The following SLC9B1 variants were observed in gnomAD, a reference collection of about 807,000 sequenced individuals.
SLC9B1 encodes the protein solute carrier family 9 member B1.
A neutral mutation model predicts 51.7 loss-of-function variants in SLC9B1; 32 were observed. The ratio of observed to expected loss-of-function variants is 0.62; its 90% CI spans 0.47 to 0.83. The LOEUF is 0.83. Ranked by LOEUF, SLC9B1 falls within the 40% of genes least tolerant of loss-of-function variation. The probability of loss-of-function intolerance (pLI) is 0.00; values close to 1 mark genes in which losing one functional copy is unlikely to be tolerated. For missense variants in SLC9B1, 406 were observed against 613.2 expected, an observed-to-expected ratio of 0.66 and a Z score of 3.57; for synonymous variants, 145 against 212.7, an observed-to-expected ratio of 0.68 and a Z score of 2.77.
At chr4:102,924,383 T>A (rs1314003704) in intron 7 of SLC9B1, among the ~76,000 whole-genome samples, 1 of 152,200 alleles carries the variant, frequency 6.6e-6, no homozygotes, top group Non-Finnish European at 1.5e-5. Flanking sequence ...GATCCCTTCC[T>A]TACACTTTAT....
intron 1 of SLC9B1, among the ~76,000 whole-genome samples, chr4:103,003,691 C>T (rs1740644293): frequency 6.6e-6 from 1 of 152,044 alleles, no homozygotes; most frequent in East Asian, 1.9e-4. Flanking sequence ...GGGTAATTCC[C>T]CATTGGAGTA....
chr4:102,921,156 A>G (rs1212070671), intron 7 of SLC9B1, among the ~76,000 whole-genome samples: 1 of 152,250 alleles, frequency 6.6e-6, no homozygotes, highest in Non-Finnish European at 1.5e-5. Flanking sequence ...AAGGGCACCC[A>G]GAGAGAAAGG....
intron 1 of SLC9B1, among the ~76,000 whole-genome samples, chr4:102,996,239 C>G (rs1023690594): frequency 2.6e-5 from 4 of 151,972 alleles, no homozygotes; most frequent in African/African-American, 9.7e-5. Flanking sequence ...TGTACTGGAT[C>G]CCATTTTCAT....
chr4:102,940,639 C>T (rs531938240), intron 6 of SLC9B1, among the ~76,000 whole-genome samples: 9 of 152,256 alleles, frequency 5.9e-5, no homozygotes, highest in Non-Finnish European at 1.2e-4. Context: ...CTACAGTAAG[C>T]AAAACAGCAT....
chr4:102,966,151 G>C (rs1189167551), intron 3 of SLC9B1, among the ~76,000 whole-genome samples: 1 of 152,146 alleles, frequency 6.6e-6, no homozygotes, highest in Non-Finnish European at 1.5e-5. Context: ...TCCCAGTGGT[G>C]GTCCACTTCA....
Position 103,013,514 on chromosome 4 carries a change from T to G in SLC9B1, c.-2+6085A>C, listed in dbSNP as rs1741181234. On this transcript the variant is annotated intron_variant, in intron 1 of 11. Transcript: ENST00000296422. ...CTCACTCTATATACATTTCTCAACA[T>G]CTATTCTACTATTATGGCTACAATT... Among the ~76,000 whole-genome samples, 3 of 152,210 alleles carry G rather than the reference T, an allele frequency of 2.0e-5. No individual in the cohort carries two copies. In the South Asian group the frequency reaches 6.2e-4, roughly 32 times the overall value.
chr4:102,935,510 A>G (rs1381549690), intron 6 of SLC9B1, among the ~76,000 whole-genome samples: 1 of 152,232 alleles, frequency 6.6e-6, no homozygotes, highest in Non-Finnish European at 1.5e-5. Context: ...AAAATGAGAC[A>G]AATAAAATGC....
At chr4:102,946,981 G>T (rs1207001281) in intron 4 of SLC9B1, among the ~76,000 whole-genome samples, 192 bp from the exon 5 acceptor site, 1 of 152,174 alleles carries the variant, frequency 6.6e-6, no homozygotes, top group Non-Finnish European at 1.5e-5. Context: ...GGTTCAACAA[G>T]TAAGTTAGTG....
At chr4:102,955,847 AAGAAAG>A (rs1169914975) in intron 3 of SLC9B1, among the ~76,000 whole-genome samples, 9 of 74,808 alleles carry the variant, frequency 1.2e-4, no homozygotes, top group African/African-American at 6.7e-4. Context: ...GAGAGAGAGA[AAGAAAG>A]AAAGAAAGAA....
At chr4:102,911,623 T>C (rs1578339295) in intron 7 of SLC9B1, 86 bp from the exon 8 acceptor site, 1 of 788,586 alleles carries the variant, frequency 1.3e-6, no homozygotes, top group Non-Finnish European at 2.0e-6. Context: ...AGGTGGTTCA[T>C]GAAGAAAAGT....
intron 9 of SLC9B1, among the ~76,000 whole-genome samples, chr4:102,908,007 T>C (rs28683067): frequency 6.6e-6 from 1 of 150,986 alleles, no homozygotes. Context: ...AAACAAAATG[T>C]CACTATGATT....
intron 3 of SLC9B1, among the ~76,000 whole-genome samples, chr4:102,980,647 T>A (rs941045861): frequency 6.6e-6 from 1 of 152,096 alleles, no homozygotes; most frequent in Non-Finnish European, 1.5e-5. Context: ...AATACCTAGG[T>A]GATGGATTGA....
At chr4:102,971,779 A>C in intron 3 of SLC9B1, among the ~76,000 whole-genome samples, 1 of 152,216 alleles carries the variant, frequency 6.6e-6, no homozygotes, top group East Asian at 1.9e-4. Flanking sequence ...AGAATCAAAT[A>C]GATGCAATAA....
At chr4:103,000,489 G>C (rs561830235) in intron 1 of SLC9B1, among the ~76,000 whole-genome samples, 7 of 152,310 alleles carry the variant, frequency 4.6e-5, no homozygotes, top group African/African-American at 1.7e-4. Context: ...GTAAAATCAA[G>C]AGCAAGTTAG....
At chr4:103,011,953 A>C (rs1741106902) in intron 1 of SLC9B1, among the ~76,000 whole-genome samples, 1 of 152,178 alleles carries the variant, frequency 6.6e-6, no homozygotes, top group South Asian at 2.1e-4. Flanking sequence ...TGACTTGATG[A>C]ATAACATCTG....
chr4:102,944,626 TTGA>T (rs1428676199), intron 6 of SLC9B1, among the ~76,000 whole-genome samples: 1 of 152,204 alleles, frequency 6.6e-6, no homozygotes, highest in Non-Finnish European at 1.5e-5. Flanking sequence ...GAGACAAAAG[TTGA>T]TGAATTAAGA....
exon 12 of SLC9B1, chr4:102,885,244 C>T: frequency 6.2e-7 from 1 of 1,614,098 alleles, no homozygotes. Flanking sequence ...TATTGCCTTT[C>T]CTTGGTGTAC....
At chr4:102,890,702 C>G (rs1387740858) in intron 11 of SLC9B1, 2 of 151,836 alleles carry the variant, frequency 1.3e-5, no homozygotes, top group African/African-American at 4.8e-5. Context: ...ATTAGCCGGG[C>G]ACAGTGGCGC....
chr4:102,993,837 C>T (rs1378178705), intron 1 of SLC9B1, among the ~76,000 whole-genome samples: 2 of 152,218 alleles, frequency 1.3e-5, no homozygotes, highest in Non-Finnish European at 2.9e-5. Context: ...AGCTGCCAAG[C>T]CTTGGGGCTT....
Sources: allele counts gnomAD v4.1 joint callset (sites outside exome capture counted in the v4.1 genomes callset), GRCh38; gene constraint gnomAD v4.1.1; transcripts MANE v1.5; gene names NCBI Gene and HGNC (gene_info 2026-07-23, HGNC 2026-07-21).